Variants in COL13A1 observed in about 807,000 individuals in gnomAD.
COL13A1 encodes collagen alpha-1(XIII) chain.
Under a neutral mutation model 130.9 loss-of-function variants are expected in COL13A1, and 89 were observed. That is an observed-to-expected ratio of 0.68 (90% CI 0.57 to 0.81). The LOEUF (loss-of-function observed/expected upper bound fraction) is 0.81, where lower values mean the gene tolerates loss of function less well. Ranked by LOEUF, COL13A1 falls within the 30% of genes least tolerant of loss-of-function variation. COL13A1 has a pLI of 0.00. For missense variants in COL13A1, 879 were observed against 934.6 expected (o/e 0.94, Z 0.78); for synonymous variants, 402 against 341.6 (o/e 1.18, Z -1.95).
At chr10:69,956,971 G>A (rs1409096245) in intron 39 of COL13A1, 33 bp from the exon 40 acceptor site, 2 of 1,606,298 alleles carry the variant, frequency 1.2e-6, no homozygotes, top group African/African-American at 1.3e-5. Context: ...ATTGCAGGAA[G>A]TCTGAGCCCT....
chr10:69,893,338 C>T (rs1408485331), intron 10 of COL13A1, among the ~76,000 whole-genome samples: 1 of 152,226 alleles, frequency 6.6e-6, no homozygotes, highest in Admixed American at 6.5e-5. Context: ...GACAACAGAG[C>T]GAGACCCTGT....
At chr10:69,943,696 C>T (rs1252730967) in intron 35 of COL13A1, among the ~76,000 whole-genome samples, 2 of 152,110 alleles carry the variant, frequency 1.3e-5, no homozygotes, top group African/African-American at 4.8e-5. Flanking sequence ...TCTCGTCTGC[C>T]CCTGTGTGTG....
intron 21 of COL13A1, among the ~76,000 whole-genome samples, chr10:69,920,069 G>C (rs1158847465): frequency 3.9e-5 from 6 of 152,178 alleles, no homozygotes; most frequent in Non-Finnish European, 8.8e-5. Flanking sequence ...GAGCAGCCCA[G>C]GCAGGACAGG....
chr10:69,845,195 CT>C (rs61125163), intron 2 of COL13A1, among the ~76,000 whole-genome samples: 110,082 of 139,216 alleles, frequency 0.79, 43,975 homozygotes, highest in South Asian at 0.93. Context: ...TTTTCTTTTT[CT>C]TTTTTTTTTT....
chr10:69,944,811 G>A (rs1007949252), intron 36 of COL13A1, among the ~76,000 whole-genome samples: 1 of 152,220 alleles, frequency 6.6e-6, no homozygotes, highest in Non-Finnish European at 1.5e-5. Context: ...AAGGCCCTGG[G>A]CGCCATTGTC....
At chr10:69,878,460 C>G (rs911536901) in intron 6 of COL13A1, among the ~76,000 whole-genome samples, 2 of 151,852 alleles carry the variant, frequency 1.3e-5, no homozygotes, top group African/African-American at 4.8e-5. Context: ...CTGGGGGGTT[C>G]TTGAGAGATT....
At chr10:69,810,357 AG>A (rs1842678537) in intron 1 of COL13A1, among the ~76,000 whole-genome samples, 1 of 140,162 alleles carries the variant, frequency 7.1e-6, no homozygotes, top group Non-Finnish European at 1.6e-5. Flanking sequence ...TGAGAGAGAG[AG>A]AGAGAGAGAG....
At chr10:69,829,610 C>T (rs977560906) in intron 2 of COL13A1, among the ~76,000 whole-genome samples, 4 of 152,250 alleles carry the variant, frequency 2.6e-5, no homozygotes, top group African/African-American at 9.6e-5. Flanking sequence ...AGCCCCATTT[C>T]AGGCAACTGG....
rs1428439180 is a variant in COL13A1 at position 69,888,317 on chromosome 10, T to A, written c.563T>A (p.Leu188Gln). Reference protein sequence around the residue: ...GFPGFPGPIGLDGKPGHPGPK... With the variant: ...GFPGFPGPIGQDGKPGHPGPK... ...TTCTGGTTTCAGGGTCCCATTGGGCTGGACGGCAAACCGGTAAGTGGACCC... is the reference window on the plus strand; with the variant it reads ...TTCTGGTTTCAGGGTCCCATTGGGCAGGACGGCAAACCGGTAAGTGGACCC... Residue 188 changes from leucine (L) to glutamine (Q), a missense_variant, in exon 9 of 41, where the codon CTG becomes CAG. Physicochemically the swap from Leu to Gln is moderately radical, Grantham distance 113. Transcript: ENST00000645393. The A allele has an allele frequency of 6.2e-7, 1 of 1,613,074 alleles. No homozygotes were observed. The highest frequency in any genetic ancestry group is 1.7e-5 in the Admixed American group (1 of 59,934).
intron 32 of COL13A1, among the ~76,000 whole-genome samples, chr10:69,936,042 A>AGGAG (rs1225568338): frequency 1.6e-5 from 2 of 125,868 alleles, no homozygotes; most frequent in East Asian, 2.9e-4. Flanking sequence ...AAAGAGAGGG[A>AGGAG]GGAGGGAGGG....
At chr10:69,906,568 T>C (rs2062774200) in intron 17 of COL13A1, among the ~76,000 whole-genome samples, 1 of 152,070 alleles carries the variant, frequency 6.6e-6, no homozygotes, top group African/African-American at 2.4e-5. Flanking sequence ...CATAAAGACT[T>C]GTCACGTATC....
intron 2 of COL13A1, among the ~76,000 whole-genome samples, chr10:69,842,387 G>A (rs1382561473): frequency 6.6e-6 from 1 of 152,154 alleles, no homozygotes; most frequent in Non-Finnish European, 1.5e-5. Flanking sequence ...ATCAGAAGCG[G>A]TAAAAACGGA....
chr10:69,869,937 A>G (rs1444868165), intron 3 of COL13A1, among the ~76,000 whole-genome samples: 1 of 152,192 alleles, frequency 6.6e-6, no homozygotes, highest in Non-Finnish European at 1.5e-5. Flanking sequence ...GCTAACACTT[A>G]CTGTGTGTTA....
At chr10:69,880,699 G>A (rs2060048811) in intron 7 of COL13A1, 146 bp downstream of exon 7, 1 of 791,820 alleles carries the variant, frequency 1.3e-6, no homozygotes, top group Non-Finnish European at 2.0e-6. Flanking sequence ...AGCCCAGCCA[G>A]GCCTCGGGTG....
chr10:69,949,499 T>C (rs1476277185), intron 38 of COL13A1, among the ~76,000 whole-genome samples: 1 of 152,172 alleles, frequency 6.6e-6, no homozygotes, highest in Non-Finnish European at 1.5e-5. Context: ...TTGTTTTATC[T>C]TACAGTGAAC....
At chr10:69,944,342 G>A (rs1469632994) in intron 36 of COL13A1, among the ~76,000 whole-genome samples, 164 bp downstream of exon 36, 1 of 152,106 alleles carries the variant, frequency 6.6e-6, no homozygotes, top group Non-Finnish European at 1.5e-5. Context: ...GCTATGAGTT[G>A]ACAAGACTTG....
At position 69,826,733 on chromosome 10, in the gene COL13A1, A is replaced by T. The variant is rs139829746; in HGVS notation, c.364+4295A>T. Among the ~76,000 whole-genome samples the T allele has an allele frequency of 5.1e-3, 784 of 152,258 alleles. 7 individuals are homozygous for T. The highest frequency in any genetic ancestry group is 0.018 in the African/African-American group (731 of 41,542). On this transcript the variant is annotated intron_variant, in intron 2 of 40. Transcript: ENST00000645393. ...AGACACCATAACAGGAGACCCCCCAAATACAAGGACTTAGACAAGGTGGAG... is the reference window on the plus strand; with the variant it reads ...AGACACCATAACAGGAGACCCCCCATATACAAGGACTTAGACAAGGTGGAG...
intron 32 of COL13A1, 117 bp downstream of exon 32, chr10:69,935,508 T>A (rs1050260214): frequency 1.3e-6 from 1 of 769,962 alleles, no homozygotes; most frequent in Non-Finnish European, 2.0e-6. Context: ...AGGGATTTTC[T>A]GGTCTACAAA....
chr10:69,895,409 G>T lies in COL13A1; in HGVS notation c.658-141G>T, dbSNP rs570300067. 538 of 869,208 alleles carry T rather than the reference G, an allele frequency of 6.2e-4. 3 individuals are homozygous for T. Among genetic ancestry groups the T allele is most frequent in the Non-Finnish European group, 1.2e-4 (63 of 525,166 alleles). 53.8% of individuals were successfully genotyped at this position (869,208 alleles called of 1,614,324 possible). A position where few individuals can be genotyped will look rare whatever the true frequency, so the allele number is the denominator to read the frequency against. ...GGAGGGACTTAGTTCTTCTGCCTCAGAGGGCTCAGACCAAAACTAGAGCAG... is the reference window on the plus strand; with the variant it reads ...GGAGGGACTTAGTTCTTCTGCCTCATAGGGCTCAGACCAAAACTAGAGCAG... On this transcript the variant is annotated intron_variant, in intron 12 of 40. Coordinates refer to ENST00000645393, the MANE Select transcript of COL13A1 (RefSeq NM_001368882.1).
Sources: allele counts gnomAD v4.1 joint callset (sites outside exome capture counted in the v4.1 genomes callset), GRCh38; gene constraint gnomAD v4.1.1; transcripts MANE v1.5; gene names NCBI Gene and HGNC (gene_info 2026-07-23, HGNC 2026-07-21).